TMED3: variants seen among roughly 807,000 people sequenced by gnomAD.
The protein encoded by TMED3 is transmembrane emp24 domain-containing protein 3.
Under a neutral mutation model 15.0 loss-of-function variants are expected in TMED3, and 9 were observed. The observed-to-expected ratio is 0.60, with a 90% CI of 0.36 to 1.04. The LOEUF (loss-of-function observed/expected upper bound fraction) is 1.04, where lower values mean the gene tolerates loss of function less well. TMED3 is among the 50% of genes least tolerant of loss of function. The pLI, the probability that TMED3 is intolerant of heterozygous loss-of-function variation, is 0.01. For synonymous variants in TMED3, 117 were observed against 121.4 expected (o/e 0.96, Z 0.24); for missense variants, 267 against 278.9 (o/e 0.96, Z 0.30).
chr15:79,400,775 G>A (rs1427422038), intron 2 of TMED3, among the ~76,000 whole-genome samples: 1 of 152,046 alleles, frequency 6.6e-6, no homozygotes, highest in African/African-American at 2.4e-5. Flanking sequence ...AAAATGAGGG[G>A]GTTGGATCAC....
At chr15:79,350,892 C>G (rs1173842673) in intron 2 of TMED3, among the ~76,000 whole-genome samples, 1 of 152,192 alleles carries the variant, frequency 6.6e-6, no homozygotes, top group Non-Finnish European at 1.5e-5. Context: ...TTGCCACCAC[C>G]TCTCACCAGA....
intron 2 of TMED3, among the ~76,000 whole-genome samples, chr15:79,397,388 C>A (rs768923653): frequency 6.6e-6 from 1 of 152,118 alleles, no homozygotes; most frequent in Non-Finnish European, 1.5e-5. Flanking sequence ...TTTGCGCTCT[C>A]TGCCTGGACA....
chr15:79,397,393 T>G (rs1272831444), intron 2 of TMED3, among the ~76,000 whole-genome samples: 2 of 152,220 alleles, frequency 1.3e-5, no homozygotes, highest in Non-Finnish European at 2.9e-5. Context: ...GCTCTCTGCC[T>G]GGACATGGAA....
intron 2 of TMED3, among the ~76,000 whole-genome samples, chr15:79,316,686 C>T (rs913738071): frequency 6.6e-6 from 1 of 152,010 alleles, no homozygotes; most frequent in Non-Finnish European, 1.5e-5. Flanking sequence ...TCCTAGAGAC[C>T]GACAGTCACC....
chr15:79,365,624 A>T (rs76307123), intron 2 of TMED3, among the ~76,000 whole-genome samples: 36,980 of 152,212 alleles, frequency 0.24, 4,554 homozygotes, highest in South Asian at 0.3. Context: ...ACAGTCAATT[A>T]TGTGTCTGTC....
At chr15:79,365,349 C>A (rs1893211765) in intron 2 of TMED3, among the ~76,000 whole-genome samples, 1 of 152,324 alleles carries the variant, frequency 6.6e-6, no homozygotes, top group African/African-American at 2.4e-5. Context: ...GTGGACATCA[C>A]CTCCTCCAGG....
Position 79,322,113 on chromosome 15 carries a change from G to A in TMED3, c.553G>A (p.Gly185Ser), listed in dbSNP as rs2058770087. The change falls in exon 3 of 3, where the codon GGC (glycine) becomes AGC (serine). Residue 185 changes from glycine (G) to serine (S), a missense_variant. Gly to Ser is a moderately conservative substitution (Grantham distance 56). Coordinates refer to ENST00000299705, the MANE Select transcript of TMED3 (RefSeq NM_007364.4). ...LNSRVSYWSVGETIALFVVSF... is the reference protein window; with the variant it reads ...LNSRVSYWSVSETIALFVVSF... ...TAGCCGAGTCTCTTACTGGTCTGTT[G>A]GCGAGACGATTGCCCTGTTCGTGGT... is the stretch of plus-strand genomic sequence containing the variant. 6.2e-7 allele frequency: 1 copy of A among 1,614,226 alleles called. No individual in the cohort carries two copies. The highest frequency in any genetic ancestry group is 8.5e-7 in the Non-Finnish European group (1 of 1,180,046).
chr15:79,377,853 A>G (rs563257966), intron 2 of TMED3, among the ~76,000 whole-genome samples: 49 of 152,054 alleles, frequency 3.2e-4, no homozygotes, highest in African/African-American at 9.9e-4. Context: ...TCACCGTGTT[A>G]GCCAGGATGG....
chr15:79,361,382 C>T (rs1893125217), intron 2 of TMED3, among the ~76,000 whole-genome samples: 1 of 152,118 alleles, frequency 6.6e-6, no homozygotes, highest in African/African-American at 2.4e-5. Flanking sequence ...TTTAAACATT[C>T]AATATATACG....
rs768007622 is a variant in TMED3 at position 79,311,267 on chromosome 15, G to T, written c.18G>T (p.Pro6=). 1 of 1,602,598 alleles carries T rather than the reference G, an allele frequency of 6.2e-7. No individual in the cohort carries two copies. Among genetic ancestry groups the T allele is most frequent in the South Asian group, 1.1e-5 (1 of 89,746 alleles). Residue 6 remains proline (P), a synonymous_variant, in exon 1 of 3, where the codon CCG becomes CCT. Transcript: ENST00000299705. ...AGAGCATCATGGGCAGCACTGTCCC[G>T]CGCTCCGCCTCCGTGCTGCTTCTGC... MGSTV[P]RSASVLLLLL...
chr15:79,368,465 G>A (rs1424275149), intron 2 of TMED3, among the ~76,000 whole-genome samples: 1 of 152,078 alleles, frequency 6.6e-6, no homozygotes, highest in Admixed American at 6.6e-5. Flanking sequence ...GGAATTATGG[G>A]GTACCTCTGT....
chr15:79,352,602 C>T (rs2058895248), intron 2 of TMED3, among the ~76,000 whole-genome samples: 1 of 147,672 alleles, frequency 6.8e-6, no homozygotes, highest in Admixed American at 6.8e-5. Context: ...TTGAAAGACA[C>T]AAAATTATCT....
downstream of TMED3, among the ~76,000 whole-genome samples, chr15:79,326,924 A>G (rs1445076221): frequency 6.6e-6 from 1 of 152,162 alleles, no homozygotes; most frequent in East Asian, 1.9e-4. Flanking sequence ...GCATCTGGTG[A>G]GGGCCTCAGG....
chr15:79,412,050 C>A (rs1893988974), exon 3 of TMED3: 1 of 147,106 alleles, frequency 6.8e-6, no homozygotes, highest in Admixed American at 6.7e-5. Context: ...CGCATCACAG[C>A]TCCTGTGCTG....
chr15:79,346,991 A>G (rs1312262814), intron 2 of TMED3, among the ~76,000 whole-genome samples: 1 of 152,180 alleles, frequency 6.6e-6, no homozygotes, highest in Non-Finnish European at 1.5e-5. Flanking sequence ...AAACTACTCC[A>G]AAAATTTAAG....
intron 2 of TMED3, 47 bp from the exon 3 acceptor site, chr15:79,321,931 A>G (rs1322297722): frequency 1.3e-6 from 2 of 1,590,442 alleles, no homozygotes; most frequent in South Asian, 1.1e-5. Context: ...TGGATCCCAC[A>G]TTTGTCTATG....
chr15:79,399,358 T>C (rs548247660), intron 2 of TMED3, among the ~76,000 whole-genome samples: 1 of 152,148 alleles, frequency 6.6e-6, no homozygotes, highest in Non-Finnish European at 1.5e-5. Flanking sequence ...CTGAAGGGTT[T>C]CCCAAACTGC....
intron 2 of TMED3, among the ~76,000 whole-genome samples, chr15:79,355,742 A>G (rs2058916396): frequency 6.6e-6 from 1 of 152,174 alleles, no homozygotes; most frequent in Admixed American, 6.5e-5. Flanking sequence ...GTGAGCCATC[A>G]GGAAACCAAG....
At chr15:79,400,119 A>G (rs923745086) in intron 2 of TMED3, among the ~76,000 whole-genome samples, 3 of 152,112 alleles carry the variant, frequency 2.0e-5, no homozygotes, top group Non-Finnish European at 2.9e-5. Context: ...CGAACTTGTC[A>G]TGCTCCTCCC....
Sources: gnomAD v4.1 joint callset for allele counts (sites outside exome capture counted in the v4.1 genomes callset) on GRCh38, gnomAD v4.1.1 for gene constraint, MANE v1.5 for transcripts, NCBI Gene and HGNC (gene_info 2026-07-23, HGNC 2026-07-21) for gene names.